The following CCSER1 variants were observed in gnomAD, a reference collection of about 807,000 sequenced individuals.
CCSER1 encodes the protein coiled-coil serine rich protein 1.
A neutral mutation model predicts 82.0 loss-of-function variants in CCSER1; 41 were observed. The ratio of observed to expected loss-of-function variants is 0.50; its 90% confidence interval spans 0.39 to 0.65. The LOEUF is 0.65. Among genes scored for constraint, CCSER1 ranks in the 30% least tolerant of loss-of-function variants. The probability of loss-of-function intolerance (pLI) is 0.00; values close to 1 mark genes in which losing one functional copy is unlikely to be tolerated. For missense variants in CCSER1, 1,119 were observed against 1,064.2 expected (o/e 1.05, Z -0.72); for synonymous variants, 414 against 383.9 (o/e 1.08, Z -0.92).
chr4:91,184,845 T>C (rs187723549), intron 10 of CCSER1, among the ~76,000 whole-genome samples: 63 of 152,336 alleles, frequency 4.1e-4, no homozygotes, highest in African/African-American at 1.4e-3. Context: ...TTTAGGGCTA[T>C]ATAATTGTTC....
chr4:90,533,373 G>A (rs922936793), intron 5 of CCSER1, among the ~76,000 whole-genome samples: 6 of 152,142 alleles, frequency 3.9e-5, no homozygotes, highest in Non-Finnish European at 8.8e-5. Context: ...GGGATTACAG[G>A]CGTGAGCCAC....
chr4:91,301,222 T>G (rs955016003), intron 10 of CCSER1, among the ~76,000 whole-genome samples: 1 of 151,926 alleles, frequency 6.6e-6, no homozygotes, highest in Non-Finnish European at 1.5e-5. Flanking sequence ...GCATGGGTTC[T>G]TTATAGATAT....
chr4:91,426,999 A>G (rs1004666544), intron 10 of CCSER1, among the ~76,000 whole-genome samples: 2 of 152,176 alleles, frequency 1.3e-5, no homozygotes, highest in African/African-American at 4.8e-5. Context: ...ACAGTATAGT[A>G]AGGTGACTGT....
At chr4:90,692,810 A>G (rs138292014) in intron 6 of CCSER1, among the ~76,000 whole-genome samples, 4 of 152,142 alleles carry the variant, frequency 2.6e-5, no homozygotes, top group African/African-American at 7.2e-5. Flanking sequence ...GCCATATTAA[A>G]TAAAAGAGTA....
At chr4:90,452,542 G>C (rs533405314) in intron 4 of CCSER1, among the ~76,000 whole-genome samples, 3 of 152,212 alleles carry the variant, frequency 2.0e-5, no homozygotes, top group South Asian at 4.1e-4. Flanking sequence ...GTCAAAACAA[G>C]CTCCTTCCTT....
chr4:91,601,180 A>G lies in CCSER1; in HGVS notation c.*2123A>G, dbSNP rs1439117024. ...ATAGTTTTGTTTTCCTGGAAGATAG[A>G]CTTTTGAATTATACTTTATAAAAAT... On this transcript the variant is annotated 3_prime_UTR_variant, in exon 11 of 11. Transcript: ENST00000509176. The G allele has an allele frequency of 2.0e-5, 3 of 152,070 alleles. No individual in the cohort carries two copies. Among genetic ancestry groups the G allele is most frequent in the African/African-American group, 7.2e-5 (3 of 41,448 alleles). The allele number at this position is 152,070 out of a possible 1,614,324, so 9.4% of individuals were successfully genotyped here.
intron 5 of CCSER1, among the ~76,000 whole-genome samples, chr4:90,574,534 C>T (rs1780515868): frequency 6.6e-6 from 1 of 151,672 alleles, no homozygotes; most frequent in Non-Finnish European, 1.5e-5. Context: ...TCCCAAAGTG[C>T]TGGGATTACA....
At chr4:90,337,608 A>G (rs1426444933) in intron 3 of CCSER1, among the ~76,000 whole-genome samples, 1 of 113,088 alleles carries the variant, frequency 8.8e-6, no homozygotes, top group African/African-American at 4.1e-5. Context: ...ATGCTAATGT[A>G]GTTGTTTTTA....
intron 6 of CCSER1, among the ~76,000 whole-genome samples, chr4:90,668,184 G>A (rs1732151186): frequency 1.3e-5 from 2 of 152,182 alleles, no homozygotes; most frequent in African/African-American, 4.8e-5. Context: ...TGTATCTGTC[G>A]CTAAAAACAG....
chr4:90,789,274 C>T (rs1754921227), intron 7 of CCSER1, among the ~76,000 whole-genome samples: 1 of 152,140 alleles, frequency 6.6e-6, no homozygotes, highest in Admixed American at 6.6e-5. Context: ...TTATGTCTAA[C>T]ATAATTGATC....
intron 1 of CCSER1, among the ~76,000 whole-genome samples, chr4:90,283,653 CTT>C (rs1188105019): frequency 6.6e-6 from 1 of 151,952 alleles, no homozygotes; most frequent in African/African-American, 2.4e-5. Flanking sequence ...AGCAATCCCT[CTT>C]TATCTCTGCC....
At chr4:91,150,112 C>T (rs1350534332) in intron 10 of CCSER1, among the ~76,000 whole-genome samples, 1 of 152,180 alleles carries the variant, frequency 6.6e-6, no homozygotes, top group Non-Finnish European at 1.5e-5. Context: ...TATCCATGAG[C>T]ATGGAATGTT....
In CCSER1 at chr4:90,443,561, T is replaced by C. The variant is rs536032604; in HGVS notation, c.1604-24673T>C. Among the ~76,000 whole-genome samples the C allele has an allele frequency of 2.9e-3, 443 of 152,174 alleles. 2 individuals are homozygous for C. Among genetic ancestry groups the C allele is most frequent in the Non-Finnish European group, 4.6e-3 (311 of 67,986 alleles). On this transcript the variant is annotated intron_variant, in intron 4 of 10. Coordinates refer to ENST00000509176, the MANE Select transcript of CCSER1 (RefSeq NM_001145065.2). ...TTTTTGGACTGTGGTTGAATGTGAG[T>C]AACTGAAAATGCGGAAAGCAAAGCC...
At chr4:90,855,473 A>G (rs1393187858) in intron 8 of CCSER1, among the ~76,000 whole-genome samples, 2 of 152,212 alleles carry the variant, frequency 1.3e-5, no homozygotes, top group Non-Finnish European at 2.9e-5. Flanking sequence ...TCTTGCAAGA[A>G]TTAAAGCTAA....
At chr4:90,937,752 A>G (rs1337019691) in intron 9 of CCSER1, among the ~76,000 whole-genome samples, 1 of 152,054 alleles carries the variant, frequency 6.6e-6, no homozygotes, top group Admixed American at 6.6e-5. Context: ...GCCCCACAAT[A>G]TATCTGTATT....
At chr4:90,913,863 C>T (rs184635555) in intron 8 of CCSER1, among the ~76,000 whole-genome samples, 3 of 151,906 alleles carry the variant, frequency 2.0e-5, no homozygotes, top group Non-Finnish European at 4.4e-5. Context: ...GATAAAACAG[C>T]CTTTAAACCA....
chr4:90,319,649 C>CA (rs931788357), intron 3 of CCSER1, among the ~76,000 whole-genome samples: 2 of 151,540 alleles, frequency 1.3e-5, no homozygotes, highest in African/African-American at 4.9e-5. Context: ...AAGACTCTCT[C>CA]AAAAAAAAGC....
rs574971077 is a variant in CCSER1, at chr4:90,270,658, C to G, written c.-41-37586C>G. Among the ~76,000 whole-genome samples the G allele has an allele frequency of 2.6e-5, 4 of 152,074 alleles. No homozygotes were observed. In the South Asian group the frequency reaches 6.2e-4, roughly 24 times the overall value. ...AGTTCTAGATAGAGGAATCAGACTA[C>G]TGTCTGATTGAAAGAAATAAAGAGC... On this transcript the variant is annotated intron_variant, in intron 1 of 10. Coordinates refer to ENST00000509176, the MANE Select transcript of CCSER1 (RefSeq NM_001145065.2).
chr4:90,801,663 G>A (rs976972399), intron 7 of CCSER1, among the ~76,000 whole-genome samples: 9 of 151,884 alleles, frequency 5.9e-5, no homozygotes, highest in African/African-American at 9.7e-5. Flanking sequence ...TGACCATCCC[G>A]TAAAAGATAA....
Sources: allele counts gnomAD v4.1 joint callset (sites outside exome capture counted in the v4.1 genomes callset), GRCh38; gene constraint gnomAD v4.1.1; transcripts MANE v1.5; gene names NCBI Gene and HGNC (gene_info 2026-07-23, HGNC 2026-07-21).